NDFIP2: variants seen among roughly 807,000 people sequenced by gnomAD.
NDFIP2 encodes the protein Nedd4 family interacting protein 2.
Under a neutral mutation model 36.0 loss-of-function variants are expected in NDFIP2, and 19 were observed. That is an observed-to-expected ratio of 0.53 (90% CI 0.37 to 0.77). The LOEUF is 0.77. NDFIP2 is among the 30% of genes least tolerant of loss of function. The pLI, the probability that NDFIP2 is intolerant of heterozygous loss-of-function variation, is 0.00. For missense variants in NDFIP2, 446 were observed against 435.8 expected (o/e 1.02, Z -0.21); for synonymous variants, 181 against 167.7 (o/e 1.08, Z -0.61).
intron 1 of NDFIP2, among the ~76,000 whole-genome samples, chr13:79,487,666 A>T (rs986902960): frequency 6.6e-5 from 10 of 152,188 alleles, no homozygotes; most frequent in African/African-American, 2.4e-4. Flanking sequence ...CCATCAATGT[A>T]TGAAGTTTTG....
rs977440309 is a variant in NDFIP2 at position 79,481,301 on chromosome 13, A to C, written c.98A>C (p.Asn33Thr). 9 of 1,540,978 alleles carry C rather than the reference A, an allele frequency of 5.8e-6. No individual in the cohort carries two copies. The highest frequency in any genetic ancestry group is 3.9e-5 in the Admixed American group (2 of 50,936). The change falls in exon 1 of 8, where the codon AAC (asparagine) becomes ACC (threonine). Residue 33 changes from asparagine (N) to threonine (T), a missense_variant. Around this residue, in one of 2 missense-constraint regions of NDFIP2, gnomAD observed 369 missense variants for 304.8 expected, o/e 1.21. Coordinates refer to ENST00000218652, the MANE Select transcript of NDFIP2 (RefSeq NM_019080.3). ...APELLRGTAT[N>T]AEVSAAAAGA... ...GAGCTTCTCCGCGGAACCGCGACCA[A>C]CGCGGAGGTCTCGGCGGCCGCTGCG...
At chr13:79,490,617 C>T (rs1234166809) in intron 1 of NDFIP2, among the ~76,000 whole-genome samples, 1 of 152,128 alleles carries the variant, frequency 6.6e-6, no homozygotes, top group African/African-American at 2.4e-5. Flanking sequence ...GGCTGTGTTC[C>T]AGAAGACTAT....
intron 4 of NDFIP2, among the ~76,000 whole-genome samples, chr13:79,541,378 TGGTAG>T (rs1875449517): frequency 2.0e-5 from 3 of 151,346 alleles, no homozygotes; most frequent in Non-Finnish European, 4.4e-5. Context: ...TCTTAGCCAG[TGGTAG>T]TATATTAGTT....
At chr13:79,531,075 C>T (rs1182163887) in intron 2 of NDFIP2, among the ~76,000 whole-genome samples, 1 of 152,152 alleles carries the variant, frequency 6.6e-6, no homozygotes, top group Non-Finnish European at 1.5e-5. Flanking sequence ...ACCCCTTGAT[C>T]CATGGGCTGC....
At chr13:79,493,206 A>C (rs1873311272) in intron 1 of NDFIP2, among the ~76,000 whole-genome samples, 1 of 152,176 alleles carries the variant, frequency 6.6e-6, no homozygotes, top group African/African-American at 2.4e-5. Flanking sequence ...AAATAAATGA[A>C]TGTCTTTTCT....
At chr13:79,486,163 A>G (rs1490970606) in intron 1 of NDFIP2, among the ~76,000 whole-genome samples, 2 of 152,254 alleles carry the variant, frequency 1.3e-5, no homozygotes, top group Non-Finnish European at 2.9e-5. Flanking sequence ...TCCAAAAAAA[A>G]TCTGAAATCC....
chr13:79,552,583 CT>C lies in NDFIP2; in HGVS notation c.*73del, dbSNP rs1177917804. 1 of 151,848 alleles carries C rather than the reference CT, an allele frequency of 6.6e-6. No individual in the cohort carries two copies. Among genetic ancestry groups the C allele is most frequent in the Non-Finnish European group, 1.5e-5 (1 of 67,478 alleles). The allele number at this position is 151,848 out of a possible 1,614,324, so 9.4% of individuals were successfully genotyped here. A position where few individuals can be genotyped will look rare whatever the true frequency, so the allele number is the denominator to read the frequency against. ...TTCCAGATCATCTGTAAACCTACAACTTTAATAGAAGACTACTAATAACAGA... is the reference window on the plus strand; with the variant it reads ...TTCCAGATCATCTGTAAACCTACAACTTAATAGAAGACTACTAATAACAGA... On this transcript the variant is annotated 3_prime_UTR_variant, in exon 8 of 8. Coordinates refer to ENST00000218652, the MANE Select transcript of NDFIP2 (RefSeq NM_019080.3).
At chr13:79,496,653 T>A (rs935778337) in intron 1 of NDFIP2, among the ~76,000 whole-genome samples, 1 of 146,942 alleles carries the variant, frequency 6.8e-6, no homozygotes, top group African/African-American at 2.4e-5. Context: ...CTCATGTCCT[T>A]TGAGCTCCAA....
At position 79,485,209 on chromosome 13, in the gene NDFIP2, C is replaced by CT. The variant is rs531441387; in HGVS notation, c.321+3695dup. On this transcript the variant is annotated intron_variant, in intron 1 of 7. Transcript: ENST00000218652. ...GAAACTCAGAACCAAGGGTGCAGCT[C>CT]TTTTTTTTTTAAAGCAAGCAGCAAA... 1.8e-3 allele frequency among the ~76,000 whole-genome samples: 264 copies of CT among 148,990 alleles called. 1 individual carries two copies. Among genetic ancestry groups the CT allele is most frequent in the South Asian group, 0.015 (71 of 4,698 alleles).
chr13:79,546,092 T>C (rs1260090425), intron 5 of NDFIP2, among the ~76,000 whole-genome samples: 1 of 152,178 alleles, frequency 6.6e-6, no homozygotes, highest in Non-Finnish European at 1.5e-5. Flanking sequence ...TATTTTCCTA[T>C]TTCTGTACTG....
chr13:79,533,173 A>C (rs566218522), intron 2 of NDFIP2, 150 bp from the exon 3 acceptor site: 1 of 458,994 alleles, frequency 2.2e-6, no homozygotes, highest in African/African-American at 2.0e-5. Flanking sequence ...TGATTGTAAT[A>C]GTAATTTATA....
In NDFIP2 at chr13:79,548,356, A is replaced by G. The variant is rs769373574; in HGVS notation, c.869A>G (p.Asn290Ser). 8 of 1,594,114 alleles carry G rather than the reference A, an allele frequency of 5.0e-6. No homozygotes were observed. Among genetic ancestry groups the G allele is most frequent in the South Asian group, 2.3e-5 (2 of 87,882 alleles). The change falls in exon 6 of 8, where the codon AAT (asparagine) becomes AGT (serine). Residue 290 changes from asparagine to serine, a missense_variant. Physicochemically the swap from Asn to Ser is conservative, Grantham distance 46. Around this residue, in one of 2 missense-constraint regions of NDFIP2, gnomAD observed 77 missense variants for 131.0 expected, o/e 0.59. Transcript: ENST00000218652. ...TCTGATTATTTTACTGGATATTTCA[A>G]TGGACAGTATTGGCTTTGGTGGATA... is the stretch of plus-strand genomic sequence containing the variant. ...RFSDYFTGYF[N>S]GQYWLWWIFL...
intron 1 of NDFIP2, among the ~76,000 whole-genome samples, chr13:79,505,407 A>G (rs1873822432): frequency 1.3e-5 from 2 of 152,148 alleles, no homozygotes; most frequent in African/African-American, 2.4e-5. Context: ...ACACAGGGGT[A>G]TTGCTTGAGC....
intron 1 of NDFIP2, among the ~76,000 whole-genome samples, chr13:79,504,659 A>G (rs1232655667): frequency 1.3e-5 from 2 of 150,808 alleles, no homozygotes; most frequent in African/African-American, 2.4e-5. Context: ...CTTTCATTAC[A>G]TTAATGTTTT....
At chr13:79,515,391 A>C (rs895874458) in intron 1 of NDFIP2, among the ~76,000 whole-genome samples, 7 of 152,210 alleles carry the variant, frequency 4.6e-5, no homozygotes, top group African/African-American at 1.7e-4. Context: ...TGTTTTCAAA[A>C]CAAGAAGCTG....
At chr13:79,507,300 G>T (rs2140751214) in intron 1 of NDFIP2, among the ~76,000 whole-genome samples, 1 of 15,634 alleles carries the variant, frequency 6.4e-5, no homozygotes, top group Non-Finnish European at 8.8e-5. Context: ...TTGAGACGGA[G>T]TCTCGCTCTG....
chr13:79,516,295 C>T (rs1233936625), intron 1 of NDFIP2, among the ~76,000 whole-genome samples: 1 of 152,036 alleles, frequency 6.6e-6, no homozygotes, highest in African/African-American at 2.4e-5. Flanking sequence ...ACTTTGTCAC[C>T]CAGGCTGGGG....
chr13:79,524,484 C>T (rs993874849), intron 2 of NDFIP2, among the ~76,000 whole-genome samples: 1 of 152,172 alleles, frequency 6.6e-6, no homozygotes, highest in Non-Finnish European at 1.5e-5. Flanking sequence ...AAATACTAGG[C>T]AAGTGTATGT....
chr13:79,493,596 C>G (rs561709543), intron 1 of NDFIP2, among the ~76,000 whole-genome samples: 1 of 151,958 alleles, frequency 6.6e-6, no homozygotes, highest in Non-Finnish European at 1.5e-5. Flanking sequence ...GAAGACTATC[C>G]GAGGGAGGTT....
Sources: gnomAD v4.1 joint callset for allele counts (sites outside exome capture counted in the v4.1 genomes callset) on GRCh38, gnomAD v4.1.1 for gene constraint, gnomAD v4.1.1 regional missense constraint, MANE v1.5 for transcripts, NCBI Gene and HGNC (gene_info 2026-07-23, HGNC 2026-07-21) for gene names.